The following MYO7A variants were observed in gnomAD, a reference collection of about 807,000 sequenced individuals.
MYO7A encodes unconventional myosin-VIIa.
In MYO7A, 210 loss-of-function variants were observed where a neutral mutation model predicts 263.8. That is an observed-to-expected ratio of 0.80 (90% CI 0.71 to 0.89). The LOEUF is 0.89. MYO7A is among the 40% of genes least tolerant of loss of function. MYO7A has a pLI of 0.00. For synonymous variants in MYO7A, 1,239 were observed against 1,197.3 expected (o/e 1.03, Z -0.72); for missense variants, 2,820 against 2,968.3 (o/e 0.95, Z 1.16).
At chr11:77,184,120 A>G (rs1248408898) in intron 26 of MYO7A, among the ~76,000 whole-genome samples, 3 of 152,126 alleles carry the variant, frequency 2.0e-5, no homozygotes, top group Non-Finnish European at 4.4e-5. Flanking sequence ...ACATCTCATA[A>G]GAACTGGTGT....
Position 77,211,825 on chromosome 11 carries a change from T to C in MYO7A, c.6242T>C (p.Ile2081Thr). Residue 2081 changes from isoleucine (I) to threonine (T), a missense_variant, in exon 46 of 49, where the codon ATC becomes ACC. Ile to Thr is a moderately conservative substitution (Grantham distance 89). Coordinates refer to ENST00000409709, the MANE Select transcript of MYO7A (RefSeq NM_000260.4). ...QVSPDDWKRS[I>T]VAYFNKHAGK... The stretch of plus-strand genomic sequence containing the variant: ...CTGACCGCCCTGTCCCCATAGTCCA[T>C]CGTCGCCTACTTCAACAAGCACGCA... 2 of 1,613,702 alleles carry C rather than the reference T, an allele frequency of 1.2e-6. No homozygotes were observed. Among genetic ancestry groups the C allele is most frequent in the Non-Finnish European group, 1.7e-6 (2 of 1,179,676 alleles).
At chr11:77,165,015 A>G (rs1490191126) in intron 14 of MYO7A, among the ~76,000 whole-genome samples, 8 of 152,244 alleles carry the variant, frequency 5.3e-5, no homozygotes, top group Non-Finnish European at 8.8e-5. Flanking sequence ...GAAGAGAAGC[A>G]AGCTTGTAGG....
chr11:77,213,149 C>A, intron 47 of MYO7A, 114 bp downstream of exon 47: 2 of 814,430 alleles, frequency 2.5e-6, no homozygotes, highest in Non-Finnish European at 3.9e-6. Flanking sequence ...TAGACTCATC[C>A]ACCCATCACG....
intron 9 of MYO7A, among the ~76,000 whole-genome samples, chr11:77,158,823 G>T (rs956247109): frequency 6.6e-6 from 1 of 152,214 alleles, no homozygotes; most frequent in Non-Finnish European, 1.5e-5. Context: ...CTAGGGAAGG[G>T]AACGTGTTCA....
chr11:77,135,830 G>C (rs1555047208), intron 2 of MYO7A, among the ~76,000 whole-genome samples: 1 of 152,148 alleles, frequency 6.6e-6, no homozygotes, highest in Admixed American at 6.6e-5. Context: ...TTATCCTAAT[G>C]ATGAATGATG....
At chr11:77,163,143 G>A (rs782302822) in intron 14 of MYO7A, among the ~76,000 whole-genome samples, 155 bp downstream of exon 14, 2 of 152,054 alleles carry the variant, frequency 1.3e-5, no homozygotes, top group Non-Finnish European at 1.5e-5. Flanking sequence ...ATGGCCAAGT[G>A]TTGGATTCAG....
At chr11:77,182,840 G>A (rs1368109613) in intron 25 of MYO7A, among the ~76,000 whole-genome samples, 2 of 152,244 alleles carry the variant, frequency 1.3e-5, no homozygotes, top group Non-Finnish European at 2.9e-5. Context: ...GGGCTTTGCA[G>A]TTGGAGCCAG....
In MYO7A at chr11:77,201,769, A is replaced by G. The variant is rs73497622; in HGVS notation, c.5043+131A>G. 18,935 of 1,034,886 alleles carry G rather than the reference A, an allele frequency of 0.018. 744 individuals carry two copies. The highest frequency in any genetic ancestry group is 0.15 in the African/African-American group (9,163 of 61,700). The allele number at this position is 1,034,886 out of a possible 1,614,324, so 64.1% of individuals were successfully genotyped here. A position where few individuals can be genotyped will look rare whatever the true frequency, so the allele number is the denominator to read the frequency against. Reference sequence around the variant, plus strand: ...ATGATCTTGGGATCTTATGGGACACACATTTAAAGTTGGGGCAGTGCTCAA... The same window carrying G: ...ATGATCTTGGGATCTTATGGGACACGCATTTAAAGTTGGGGCAGTGCTCAA... On this transcript the variant is annotated intron_variant, in intron 36 of 48. Transcript: ENST00000409709.
Position 77,157,380 on chromosome 11 carries a change from C to A in MYO7A, c.837C>A (p.Asn279Lys). The change falls in exon 8 of 49, where the codon AAC becomes AAA. Residue 279 changes from asparagine (N) to lysine (K), a missense_variant. By Grantham distance (94) the Asn-to-Lys change is moderately conservative. Coordinates refer to ENST00000409709, the MANE Select transcript of MYO7A (RefSeq NM_000260.4). ...GCTTGGGCCAGGCCTCTGACTACAA[C>A]TACTTGGCCATGGTGAGGCCCAGGT... is the stretch of plus-strand genomic sequence containing the variant. ...KLGLGQASDY[N>K]YLAMGNCITC... 6.2e-7 allele frequency: 1 copy of A among 1,607,092 alleles called. No homozygotes were observed. The highest frequency in any genetic ancestry group is 2.2e-5 in the East Asian group (1 of 44,620).
intron 13 of MYO7A, 121 bp from the exon 14 acceptor site, chr11:77,162,732 A>T: frequency 1.5e-6 from 2 of 1,340,840 alleles, no homozygotes; most frequent in East Asian, 4.7e-5. Context: ...CGCCTATGTG[A>T]GGTAGAAATA....
intron 1 of MYO7A, among the ~76,000 whole-genome samples, chr11:77,129,660 C>G (rs1397429496): frequency 3.3e-5 from 5 of 152,158 alleles, no homozygotes; most frequent in Non-Finnish European, 5.9e-5. Context: ...ACCCTGACAA[C>G]ATAATGCATA....
rs754360346 is a variant in MYO7A, at chr11:77,197,508, G to T, written c.4351G>T (p.Ala1451Ser). The T allele has an allele frequency of 1.9e-6, 3 of 1,605,816 alleles. No homozygotes were observed. The highest frequency in any genetic ancestry group is 2.6e-6 in the Non-Finnish European group (3 of 1,176,034). ...KGIYAQRRTD[A>S]QKVKEDVVSY... ...GATTTATGCCCAGAGGAGAACTGAT[G>T]CCCAGAAGGTCAAAGAGGATGTGGT... Residue 1451 changes from alanine (A) to serine (S), a missense_variant, in exon 33 of 49, where the codon GCC (alanine) becomes TCC (serine). Coordinates refer to ENST00000409709, the MANE Select transcript of MYO7A (RefSeq NM_000260.4).
intron 44 of MYO7A, 88 bp from the exon 45 acceptor site, chr11:77,211,064 C>T (rs887379001): frequency 1.6e-6 from 2 of 1,282,614 alleles, no homozygotes; most frequent in Non-Finnish European, 2.1e-6. Flanking sequence ...AGGTGGTAGA[C>T]CCCGGCGTTG....
At chr11:77,175,535 C>T (rs1309326846) in intron 18 of MYO7A, 71 bp downstream of exon 18, 19 of 1,404,822 alleles carry the variant, frequency 1.4e-5, no homozygotes, top group South Asian at 2.3e-5. Context: ...CTGGGGTGCT[C>T]GGGAGAGGGA....
intron 42 of MYO7A, 114 bp from the exon 43 acceptor site, chr11:77,208,316 G>C: frequency 1.2e-6 from 1 of 810,388 alleles, no homozygotes; most frequent in South Asian, 1.6e-5. Context: ...ACCCCTTCCG[G>C]CTGGGAGTGG....
chr11:77,178,932 A>C, intron 19 of MYO7A, 113 bp from the exon 20 acceptor site: 1 of 787,068 alleles, frequency 1.3e-6, no homozygotes, highest in Non-Finnish European at 2.2e-6. Context: ...GCCCAAGGTC[A>C]TATAGCTAGG....
Position 77,139,875 on chromosome 11 carries a change from C to T in MYO7A, c.19-2834C>T, listed in dbSNP as rs575355994. Among the ~76,000 whole-genome samples the T allele has an allele frequency of 1.6e-4, 25 of 152,244 alleles. No homozygotes were observed. The South Asian group carries it at 1.7e-3, about 10-fold the overall frequency. ...GGATCCTTACAACCTGCCTGCCTTG[C>T]GATGCTTCAAGAACTTTCCCTAGGG... is the stretch of plus-strand genomic sequence containing the variant. On this transcript the variant is annotated intron_variant, in intron 2 of 48. Transcript: ENST00000409709.
At chr11:77,172,207 C>T (rs1954161940) in intron 15 of MYO7A, among the ~76,000 whole-genome samples, 1 of 152,256 alleles carries the variant, frequency 6.6e-6, no homozygotes, top group Admixed American at 6.5e-5. Context: ...TTGTCACAGC[C>T]TGGTCAGATG....
intron 29 of MYO7A, 136 bp from the exon 30 acceptor site, chr11:77,190,561 G>A (rs2135559929): frequency 2.0e-6 from 2 of 1,012,510 alleles, no homozygotes; most frequent in Middle Eastern, 2.4e-4. Flanking sequence ...ACAGGGACAA[G>A]CAGTGTCCCA....
Sources: allele counts gnomAD v4.1 joint callset (sites outside exome capture counted in the v4.1 genomes callset), GRCh38; gene constraint gnomAD v4.1.1; transcripts MANE v1.5; gene names NCBI Gene and HGNC (gene_info 2026-07-23, HGNC 2026-07-21).